COL25A1: variants seen among roughly 807,000 people sequenced by gnomAD.
COL25A1 encodes collagen alpha-1(XXV) chain.
COL25A1 carries 103 observed loss-of-function variants against 128.4 expected under a neutral mutation model. That is an observed-to-expected ratio of 0.80 (90% confidence interval 0.68 to 0.94). The LOEUF (loss-of-function observed/expected upper bound fraction) is 0.94. COL25A1 is among the 40% of genes least tolerant of loss of function. The pLI is 0.00. For synonymous variants in COL25A1, 279 were observed against 277.2 expected (o/e 1.01, Z -0.06); for missense variants, 745 against 840.0 (o/e 0.89, Z 1.40).
chr4:109,113,298 C>T (rs931801704), intron 3 of COL25A1, among the ~76,000 whole-genome samples: 4 of 152,068 alleles, frequency 2.6e-5, no homozygotes, highest in African/African-American at 9.7e-5. Flanking sequence ...AAACCAGACC[C>T]TGTATCCTGG....
intron 20 of COL25A1, among the ~76,000 whole-genome samples, chr4:108,868,755 AAAGT>A (rs1178063035): frequency 1.4e-5 from 2 of 146,938 alleles, no homozygotes; most frequent in Admixed American, 1.4e-4. Flanking sequence ...AAGGAGGAAG[AAAGT>A]AAAAGGAAGG....
At chr4:109,281,448 GA>G (rs1448691900) in intron 3 of COL25A1, among the ~76,000 whole-genome samples, 1 of 147,370 alleles carries the variant, frequency 6.8e-6, no homozygotes, top group East Asian at 2.0e-4. Context: ...AAATAAACAA[GA>G]TTTTTTTTGA....
chr4:108,944,680 A>G (rs1366039655), intron 8 of COL25A1, among the ~76,000 whole-genome samples: 1 of 151,246 alleles, frequency 6.6e-6, no homozygotes, highest in Non-Finnish European at 1.5e-5. Context: ...ATTTGATCGT[A>G]TTTTCAAAAT....
At chr4:109,159,881 TAAAC>T (rs1772391417) in intron 3 of COL25A1, among the ~76,000 whole-genome samples, 1 of 152,104 alleles carries the variant, frequency 6.6e-6, no homozygotes, top group Admixed American at 6.6e-5. Flanking sequence ...GTCAACATGA[TAAAC>T]AAACAGAACA....
intron 3 of COL25A1, among the ~76,000 whole-genome samples, chr4:109,199,399 C>T (rs1032787756): frequency 1.3e-5 from 2 of 152,040 alleles, no homozygotes; most frequent in African/African-American, 4.8e-5. Context: ...CCTGCCTTGG[C>T]CTTTGCAAGT....
intron 31 of COL25A1, chr4:108,834,266 A>G (rs892611115): frequency 1.5e-6 from 2 of 1,306,252 alleles, no homozygotes; most frequent in African/African-American, 2.9e-5. Context: ...TCATCATTTG[A>G]TGAGAGGACA....
At chr4:109,153,304 C>T (rs1280756180) in intron 3 of COL25A1, among the ~76,000 whole-genome samples, 1 of 150,794 alleles carries the variant, frequency 6.6e-6, no homozygotes, top group African/African-American at 2.4e-5. Flanking sequence ...AGAATCAAAC[C>T]CGGGAGGCAG....
chr4:108,870,907 AT>A (rs1434819321), intron 19 of COL25A1, among the ~76,000 whole-genome samples: 6 of 152,192 alleles, frequency 3.9e-5, no homozygotes, highest in Non-Finnish European at 7.3e-5. Context: ...AAATAAAATG[AT>A]TTCATTCTTT....
Position 108,823,760 on chromosome 4 carries a change from C to T in COL25A1, c.1845+414G>A, listed in dbSNP as rs575719930. 6.1e-5 allele frequency: 21 copies of T among 342,480 alleles called. No individual in the cohort carries two copies. In the South Asian group the frequency reaches 8.6e-4, roughly 14 times the overall value. 21.2% of individuals were successfully genotyped at this position (342,480 alleles called of 1,614,324 possible). ...AAATATCAACGTACAAAACATATCT[C>T]CATTTCTCTACTGGGAAGTAGTGAA... On this transcript the variant is annotated intron_variant, in intron 35 of 37. Transcript: ENST00000399132.
At chr4:108,918,064 T>C (rs1745066729) in intron 13 of COL25A1, 108 bp downstream of exon 13, 2 of 517,668 alleles carry the variant, frequency 3.9e-6, no homozygotes, top group Admixed American at 7.3e-5. Context: ...CAAAACATAG[T>C]GTTTTTATAA....
intron 3 of COL25A1, among the ~76,000 whole-genome samples, chr4:109,221,665 G>A (rs1285729980): frequency 1.3e-5 from 2 of 152,140 alleles, no homozygotes; most frequent in African/African-American, 2.4e-5. Flanking sequence ...GTATCAGATT[G>A]TGAAGTCACT....
At position 108,852,750 on chromosome 4, in the gene COL25A1, C is replaced by T. The variant is rs188670672; in HGVS notation, c.1344+152G>A. On this transcript the variant is annotated intron_variant, in intron 25 of 37. Transcript: ENST00000399132. Reference sequence around the variant, plus strand: ...TTTTCACTAAGCAGACAAAGTGATTCAACTGGAGCAAATGTAAAAGATTAT... The same window carrying T: ...TTTTCACTAAGCAGACAAAGTGATTTAACTGGAGCAAATGTAAAAGATTAT... 3,160 of 640,708 alleles carry T rather than the reference C, an allele frequency of 4.9e-3. 16 individuals are homozygous for T. The highest frequency in any genetic ancestry group is 6.5e-3 in the Admixed American group (194 of 29,782). The allele number at this position is 640,708 out of a possible 1,614,324, so 39.7% of individuals were successfully genotyped here. A position where few individuals can be genotyped will look rare whatever the true frequency, so the allele number is the denominator to read the frequency against.
chr4:109,225,802 T>C (rs1223309507), intron 3 of COL25A1, among the ~76,000 whole-genome samples: 3 of 152,002 alleles, frequency 2.0e-5, no homozygotes, highest in East Asian at 1.9e-4. Flanking sequence ...TACACACACA[T>C]ACAATTTCAT....
chr4:108,861,009 T>C, intron 22 of COL25A1, 38 bp from the exon 23 acceptor site: 1 of 1,567,806 alleles, frequency 6.4e-7, no homozygotes, highest in African/African-American at 1.3e-5. Flanking sequence ...TAATCAGAAG[T>C]GGGGGAATCT....
chr4:109,227,641 A>C (rs554506543), intron 3 of COL25A1, among the ~76,000 whole-genome samples: 6 of 150,542 alleles, frequency 4.0e-5, no homozygotes, highest in Non-Finnish European at 8.8e-5. Flanking sequence ...AAGTAGCCTC[A>C]TACACTTATC....
chr4:109,298,339 A>C (rs1316766818), intron 3 of COL25A1, among the ~76,000 whole-genome samples: 3 of 152,166 alleles, frequency 2.0e-5, no homozygotes, highest in Non-Finnish European at 4.4e-5. Flanking sequence ...TATCAAAAGA[A>C]ATGAGTGAAC....
chr4:108,870,376 C>T (rs1738561494), intron 19 of COL25A1, among the ~76,000 whole-genome samples: 1 of 151,392 alleles, frequency 6.6e-6, no homozygotes, highest in African/African-American at 2.4e-5. Flanking sequence ...ATATCACCAC[C>T]ACCAGACATA....
At chr4:109,295,448 A>AT (rs1303864276) in intron 3 of COL25A1, among the ~76,000 whole-genome samples, 4 of 152,116 alleles carry the variant, frequency 2.6e-5, no homozygotes, top group Admixed American at 2.6e-4. Flanking sequence ...TTTAAATAAA[A>AT]TTTATAGCAT....
rs950220471 is a variant in COL25A1, at chr4:108,974,312, T to G, written c.492+55A>C. 10 of 1,590,258 alleles carry G rather than the reference T, an allele frequency of 6.3e-6. No homozygotes were observed. The African/African-American group carries it at 1.3e-4, about 21-fold the overall frequency. ...ATGAAGCTGGGGTACTTTCATTCAA[T>G]AAACTTGGAGTTAGAAACTAATTTT... On this transcript the variant is annotated intron_variant, in intron 8 of 37. Coordinates refer to ENST00000399132, the MANE Select transcript of COL25A1 (RefSeq NM_198721.4).
Sources: allele counts gnomAD v4.1 joint callset (sites outside exome capture counted in the v4.1 genomes callset), GRCh38; gene constraint gnomAD v4.1.1; transcripts MANE v1.5; gene names NCBI Gene and HGNC (gene_info 2026-07-23, HGNC 2026-07-21).